CCSER1: variants seen among roughly 807,000 people sequenced by gnomAD.
The protein encoded by CCSER1 is serine-rich coiled-coil domain-containing protein 1.
In CCSER1, 41 loss-of-function variants were observed where a neutral mutation model predicts 82.0. The observed-to-expected ratio is 0.50, with a 90% confidence interval of 0.39 to 0.65. The LOEUF (loss-of-function observed/expected upper bound fraction) is 0.65, where lower values mean the gene tolerates loss of function less well. Ranked by LOEUF, CCSER1 falls within the 30% of genes least tolerant of loss-of-function variation. CCSER1 has a pLI of 0.00. For synonymous variants in CCSER1, 414 were observed against 383.9 expected, an observed-to-expected ratio of 1.08 and a Z score of -0.92; for missense variants, 1,119 against 1,064.2, an observed-to-expected ratio of 1.05 and a Z score of -0.72.
At chr4:90,434,299 A>C (rs957414467) in intron 4 of CCSER1, among the ~76,000 whole-genome samples, 1 of 152,190 alleles carries the variant, frequency 6.6e-6, no homozygotes, top group East Asian at 1.9e-4. Flanking sequence ...AAGAAAATAG[A>C]ACAATTTACT....
At chr4:91,535,143 T>C (rs539711443) in intron 10 of CCSER1, among the ~76,000 whole-genome samples, 14 of 152,084 alleles carry the variant, frequency 9.2e-5, no homozygotes, top group Admixed American at 7.2e-4. Context: ...CTCCCAAATA[T>C]TAATAACTAA....
chr4:90,371,035 A>G (rs985984098), intron 3 of CCSER1, among the ~76,000 whole-genome samples: 1 of 152,002 alleles, frequency 6.6e-6, no homozygotes, highest in Non-Finnish European at 1.5e-5. Context: ...ATGAATTAGC[A>G]GCTACAAGCT....
chr4:90,881,213 C>T (rs538160466), intron 8 of CCSER1, among the ~76,000 whole-genome samples: 8 of 152,102 alleles, frequency 5.3e-5, no homozygotes, highest in East Asian at 3.9e-4. Context: ...ACCTCAAACT[C>T]GTTTCCACAA....
chr4:91,430,509 T>G (rs550899607), intron 10 of CCSER1, among the ~76,000 whole-genome samples: 8 of 152,256 alleles, frequency 5.3e-5, no homozygotes, highest in Non-Finnish European at 8.8e-5. Flanking sequence ...ATTTTTACTT[T>G]GTTAAGATTT....
intron 10 of CCSER1, among the ~76,000 whole-genome samples, chr4:91,523,013 T>C (rs1760570760): frequency 6.6e-6 from 1 of 152,180 alleles, no homozygotes. Flanking sequence ...TGTGGGTTTG[T>C]CATAAATAGC....
chr4:90,884,920 A>G (rs1010884830), intron 8 of CCSER1, among the ~76,000 whole-genome samples: 1 of 152,130 alleles, frequency 6.6e-6, no homozygotes, highest in Non-Finnish European at 1.5e-5. Context: ...TTGCACAACA[A>G]TACTGTTGTG....
intron 6 of CCSER1, among the ~76,000 whole-genome samples, chr4:90,639,404 TACTC>T (rs1221621185): frequency 6.6e-6 from 1 of 152,062 alleles, no homozygotes; most frequent in Non-Finnish European, 1.5e-5. Flanking sequence ...TTTCTGGACA[TACTC>T]AATTATGGCA....
Position 91,599,166 on chromosome 4 carries a change from C to A in CCSER1, c.*109C>A. ...CTTTTTCTTACATTTTAGTTATAAACAGAGTTGTGTTGTTGGGTTTTTTTT... is the reference window on the plus strand; with the variant it reads ...CTTTTTCTTACATTTTAGTTATAAAAAGAGTTGTGTTGTTGGGTTTTTTTT... On this transcript the variant is annotated 3_prime_UTR_variant, in exon 11 of 11. Coordinates refer to ENST00000509176, the MANE Select transcript of CCSER1 (RefSeq NM_001145065.2). The A allele has an allele frequency of 7.6e-7, 1 of 1,322,720 alleles. No individual in the cohort carries two copies. Among genetic ancestry groups the A allele is most frequent in the African/African-American group, 1.5e-5 (1 of 67,374 alleles). The allele number at this position is 1,322,720 out of a possible 1,614,324, so 81.9% of individuals were successfully genotyped here. A position where few individuals can be genotyped will look rare whatever the true frequency, so the allele number is the denominator to read the frequency against.
At chr4:91,231,855 A>G (rs1461078384) in intron 10 of CCSER1, among the ~76,000 whole-genome samples, 1 of 151,840 alleles carries the variant, frequency 6.6e-6, no homozygotes, top group African/African-American at 2.4e-5. Flanking sequence ...GGAGACCATG[A>G]TGGTACTGAA....
At chr4:91,547,937 A>G (rs1260954329) in intron 10 of CCSER1, among the ~76,000 whole-genome samples, 1 of 151,922 alleles carries the variant, frequency 6.6e-6, no homozygotes, top group African/African-American at 2.4e-5. Flanking sequence ...GCATGCCACC[A>G]TGCCCAGCTA....
rs183001566 is a variant in CCSER1, at chr4:90,887,621, C to T, written c.2095-35749C>T. On this transcript the variant is annotated intron_variant, in intron 8 of 10. Coordinates refer to ENST00000509176, the MANE Select transcript of CCSER1 (RefSeq NM_001145065.2). ...CACACTGGCCAGGCACGTTGGCTCA[C>T]GCCTGTAATCCCAGCACTTTGGGAG... Among the ~76,000 whole-genome samples, 458 of 152,278 alleles carry T rather than the reference C, an allele frequency of 3.0e-3. 7 individuals are homozygous for T. Among genetic ancestry groups the T allele is most frequent in the Admixed American group, 6.5e-3 (100 of 15,292 alleles).
At chr4:90,417,345 A>AT (rs1755954630) in intron 4 of CCSER1, among the ~76,000 whole-genome samples, 2 of 152,146 alleles carry the variant, frequency 1.3e-5, no homozygotes, top group African/African-American at 4.8e-5. Flanking sequence ...ATAAATTTCT[A>AT]TTTTAAATAC....
At chr4:90,582,089 G>C (rs1781474861) in intron 5 of CCSER1, among the ~76,000 whole-genome samples, 1 of 152,010 alleles carries the variant, frequency 6.6e-6, no homozygotes, top group Admixed American at 6.6e-5. Context: ...GGTTACATCT[G>C]AATAATATTA....
intron 10 of CCSER1, among the ~76,000 whole-genome samples, chr4:91,551,645 G>A (rs377559396): frequency 7.8e-6 from 1 of 128,054 alleles, no homozygotes; most frequent in African/African-American, 3.0e-5. Context: ...TGAAGCAGCA[G>A]GCAAAAAACA....
chr4:90,325,664 T>G (rs1359431242), intron 3 of CCSER1: 1 of 449,188 alleles, frequency 2.2e-6, no homozygotes, highest in Non-Finnish European at 4.5e-6. Flanking sequence ...TGACCTTCAG[T>G]AAACTAACTA....
intron 8 of CCSER1, among the ~76,000 whole-genome samples, chr4:90,842,343 G>A (rs1032156300): frequency 6.6e-6 from 1 of 152,106 alleles, no homozygotes; most frequent in Non-Finnish European, 1.5e-5. Flanking sequence ...TTCTTGATTG[G>A]GTGAGTTCTA....
At chr4:91,255,172 G>A (rs1002055351) in intron 10 of CCSER1, among the ~76,000 whole-genome samples, 10 of 152,148 alleles carry the variant, frequency 6.6e-5, no homozygotes, top group African/African-American at 2.4e-4. Flanking sequence ...GGCACATAGA[G>A]GTCAAGGGCA....
chr4:90,507,817 T>C (rs1325465664), intron 5 of CCSER1, among the ~76,000 whole-genome samples: 1 of 152,122 alleles, frequency 6.6e-6, no homozygotes, highest in African/African-American at 2.4e-5. Flanking sequence ...TTAGTTGTGC[T>C]AGCTTTCATT....
At chr4:90,858,854 AG>A (rs1390894077) in intron 8 of CCSER1, among the ~76,000 whole-genome samples, 1 of 151,970 alleles carries the variant, frequency 6.6e-6, no homozygotes, top group Non-Finnish European at 1.5e-5. Context: ...CTGCCAAAGA[AG>A]GGAGGAAGGA....
Sources: gnomAD v4.1 joint callset for allele counts (sites outside exome capture counted in the v4.1 genomes callset) on GRCh38, gnomAD v4.1.1 for gene constraint, MANE v1.5 for transcripts, NCBI Gene and HGNC (gene_info 2026-07-23, HGNC 2026-07-21) for gene names.